Variants in DSCAML1 observed in about 807,000 individuals in gnomAD.
DSCAML1 encodes the protein DS cell adhesion molecule like 1, also known as cell adhesion molecule DSCAML1.
A neutral mutation model predicts 200.5 loss-of-function variants in DSCAML1; 38 were observed. The ratio of observed to expected loss-of-function variants is 0.19; its 90% CI spans 0.15 to 0.25. DSCAML1 has a LOEUF of 0.25. Ranked by LOEUF, DSCAML1 falls within the 10% of genes least tolerant of loss-of-function variation. DSCAML1 has a pLI of 1.00. For synonymous variants in DSCAML1, 1,215 were observed against 1,165.0 expected, an observed-to-expected ratio of 1.04 and a Z score of -0.87; for missense variants, 2,223 against 2,858.8, an observed-to-expected ratio of 0.78 and a Z score of 5.07.
intron 3 of DSCAML1, among the ~76,000 whole-genome samples, chr11:117,605,987 TG>T (rs1191765492): frequency 1.3e-5 from 2 of 152,146 alleles, no homozygotes; most frequent in East Asian, 3.9e-4. Context: ...ACAGCAACAG[TG>T]TCATTATTGT....
chr11:117,786,228 G>T (rs2055350058), intron 1 of DSCAML1, among the ~76,000 whole-genome samples: 1 of 152,220 alleles, frequency 6.6e-6, no homozygotes, highest in Admixed American at 6.5e-5. Flanking sequence ...GGGGGAAATG[G>T]ATTTTTAATA....
intron 8 of DSCAML1, among the ~76,000 whole-genome samples, chr11:117,512,863 A>G: frequency 6.7e-6 from 1 of 150,062 alleles, no homozygotes. Flanking sequence ...GTCGCTCAGC[A>G]CCATCACAAC....
intron 3 of DSCAML1, among the ~76,000 whole-genome samples, chr11:117,646,729 C>G (rs2052529356): frequency 6.6e-6 from 1 of 152,114 alleles, no homozygotes; most frequent in Non-Finnish European, 1.5e-5. Flanking sequence ...TCCGCAAACA[C>G]TACCAGTCAA....
intron 3 of DSCAML1, among the ~76,000 whole-genome samples, chr11:117,695,027 G>C (rs563811764): frequency 6.6e-6 from 1 of 152,310 alleles, no homozygotes; most frequent in South Asian, 2.1e-4. Context: ...AAGGACTTTA[G>C]AAAGATGCTT....
At chr11:117,517,548 A>G (rs1300966883) in intron 7 of DSCAML1, among the ~76,000 whole-genome samples, 1 of 152,128 alleles carries the variant, frequency 6.6e-6, no homozygotes, top group Non-Finnish European at 1.5e-5. Context: ...TACAGAGGAG[A>G]GGGCAGGAGG....
chr11:117,709,597 CTATT>C (rs1433688680), intron 3 of DSCAML1: 1 of 423,580 alleles, frequency 2.4e-6, no homozygotes, highest in Non-Finnish European at 4.7e-6. Context: ...TTTTAAATGG[CTATT>C]TATTTCCCCC....
intron 32 of DSCAML1, among the ~76,000 whole-genome samples, chr11:117,429,647 T>C (rs1223716699): frequency 6.6e-6 from 1 of 152,216 alleles, no homozygotes. Context: ...GTGCTGGGAT[T>C]ACAGGCATGA....
intron 3 of DSCAML1, among the ~76,000 whole-genome samples, chr11:117,593,169 C>T (rs1449995691): frequency 6.6e-6 from 1 of 152,264 alleles, no homozygotes; most frequent in Non-Finnish European, 1.5e-5. Flanking sequence ...GCCCACGTGT[C>T]CTGCCCTCGG....
Position 117,539,606 on chromosome 11 carries a change from C to CAAAAAAAAA in DSCAML1, c.512-7093_512-7085dup, listed in dbSNP as rs35130897. Among the ~76,000 whole-genome samples, 14 of 52,604 alleles carry CAAAAAAAAA rather than the reference C, an allele frequency of 2.7e-4. 1 individual carries two copies. Among genetic ancestry groups the CAAAAAAAAA allele is most frequent in the East Asian group, 4.9e-4 (1 of 2,046 alleles). The allele number at this position is 52,604 out of a possible 152,430, so 34.5% of individuals were successfully genotyped here. Reference sequence around the variant, plus strand: ...CTGGGCAACAAGAGTAAAACTCTGTCAAAAAAAAAAAAAAAAAAAAAAAAG... The same window carrying CAAAAAAAAA: ...CTGGGCAACAAGAGTAAAACTCTGTCAAAAAAAAAAAAAAAAAAAAAAAAAAAAAAAAAG... On this transcript the variant is annotated intron_variant, in intron 3 of 32. Transcript: ENST00000651296.
intron 27 of DSCAML1, among the ~76,000 whole-genome samples, chr11:117,435,353 C>G (rs2047892179): frequency 6.6e-6 from 1 of 152,168 alleles, no homozygotes; most frequent in South Asian, 2.1e-4. Flanking sequence ...GTTTACCAAC[C>G]AACATGGAAA....
At chr11:117,575,218 T>C (rs1366249542) in intron 3 of DSCAML1, among the ~76,000 whole-genome samples, 1 of 152,140 alleles carries the variant, frequency 6.6e-6, no homozygotes, top group African/African-American at 2.4e-5. Context: ...ACAGAAGTCC[T>C]GTGTCCTGAG....
At chr11:117,664,061 A>G (rs919415557) in intron 3 of DSCAML1, among the ~76,000 whole-genome samples, 1 of 152,168 alleles carries the variant, frequency 6.6e-6, no homozygotes, top group African/African-American at 2.4e-5. Flanking sequence ...AGCAGCCGGG[A>G]GGAGGGGCCG....
intron 3 of DSCAML1, among the ~76,000 whole-genome samples, chr11:117,721,817 T>A (rs142387334): frequency 0.21 from 30,693 of 143,856 alleles, 3,401 homozygotes; most frequent in East Asian, 0.34. Flanking sequence ...ATATATTTTT[T>A]TTTTTTTTGA....
chr11:117,649,841 T>C (rs578003353), intron 3 of DSCAML1, among the ~76,000 whole-genome samples: 1 of 152,348 alleles, frequency 6.6e-6, no homozygotes, highest in East Asian at 1.9e-4. Flanking sequence ...AGATTTGTGC[T>C]CCTTCCGTGC....
intron 5 of DSCAML1, among the ~76,000 whole-genome samples, chr11:117,522,807 G>T (rs961904273): frequency 3.3e-5 from 5 of 152,140 alleles, no homozygotes; most frequent in Admixed American, 6.5e-5. Flanking sequence ...GGAGTAGGGG[G>T]TATGGAAAGC....
Position 117,428,382 on chromosome 11 carries a change from C to G in DSCAML1, c.6108G>C (p.Gly2036=). The G allele has an allele frequency of 6.3e-7, 1 of 1,591,708 alleles. No individual in the cohort carries two copies. The highest frequency in any genetic ancestry group is 1.4e-5 in the African/African-American group (1 of 73,294). Residue 2036 remains glycine (G), a synonymous_variant, in exon 33 of 33, where the codon GGG becomes GGC. Transcript: ENST00000651296. ...CCCCGGCCCCCTGCTTCTGAGACCT[C>G]CCTACCCCCGATGTGCTCATCTCGA... is the stretch of plus-strand genomic sequence containing the variant. ...SLLEMSTSGV[G]RSQKQGAGAY...
intron 3 of DSCAML1, among the ~76,000 whole-genome samples, chr11:117,676,758 G>A (rs1009401004): frequency 5.3e-5 from 8 of 152,360 alleles, no homozygotes; most frequent in African/African-American, 1.9e-4. Flanking sequence ...GCCGCACTCT[G>A]CTACCCGATG....
chr11:117,791,210 C>G (rs574771793), intron 1 of DSCAML1, among the ~76,000 whole-genome samples: 5 of 152,206 alleles, frequency 3.3e-5, no homozygotes, highest in South Asian at 4.1e-4. Context: ...ATAGGCAGCA[C>G]TTGACCTCTG....
At chr11:117,717,025 G>A (rs550419979) in intron 3 of DSCAML1, among the ~76,000 whole-genome samples, 30 of 152,116 alleles carry the variant, frequency 2.0e-4, no homozygotes, top group South Asian at 4.2e-4. Context: ...GCACCAGGCT[G>A]TGTCATCTGC....
Sources: gnomAD v4.1 joint callset for allele counts (sites outside exome capture counted in the v4.1 genomes callset) on GRCh38, gnomAD v4.1.1 for gene constraint, MANE v1.5 for transcripts, NCBI Gene and HGNC (gene_info 2026-07-23, HGNC 2026-07-21) for gene names.